The following SASH1 variants were observed in gnomAD, a reference collection of about 807,000 sequenced individuals.
SASH1 encodes SAM and SH3 domain-containing protein 1.
In SASH1, 44 loss-of-function variants were observed where a neutral mutation model predicts 125.2. The ratio of observed to expected loss-of-function variants is 0.35; its 90% CI spans 0.28 to 0.45. The LOEUF is 0.45. SASH1 is among the 20% of genes least tolerant of loss of function. The pLI is 1.00. For missense variants in SASH1, 1,426 were observed against 1,614.5 expected (o/e 0.88, Z 2.00); for synonymous variants, 639 against 649.1 (o/e 0.98, Z 0.24).
chr6:148,368,752 A>G lies in SASH1; in HGVS notation c.157-21382A>G, dbSNP rs528570732. ...TTCTCATCCTTCCAACCTCCCCCAC[A>G]TGCGCGCGCACGCGCGCGCACACAC... is the stretch of plus-strand genomic sequence containing the variant. On this transcript the variant is annotated intron_variant, in intron 1 of 19. Coordinates refer to ENST00000367467, the MANE Select transcript of SASH1 (RefSeq NM_015278.5). 5.7e-4 allele frequency among the ~76,000 whole-genome samples: 64 copies of G among 111,750 alleles called. 1 individual carries two copies. Among genetic ancestry groups the G allele is most frequent in the African/African-American group, 2.2e-3 (58 of 26,562 alleles). 73.3% of individuals were successfully genotyped at this position (111,750 alleles called of 152,430 possible).
intron 1 of SASH1, among the ~76,000 whole-genome samples, chr6:148,389,496 T>C (rs139979251): frequency 1.0e-3 from 154 of 152,350 alleles, no homozygotes; most frequent in African/African-American, 3.5e-3. Context: ...TGAATATTAA[T>C]GACCATAATA....
chr6:148,338,414 G>A (rs9498005), upstream of SASH1, among the ~76,000 whole-genome samples: 1 of 144,664 alleles, frequency 6.9e-6, no homozygotes, highest in Non-Finnish European at 1.5e-5. Context: ...GCAACAGAGT[G>A]AGACTCCATC....
chr6:148,514,191 AT>A, intron 8 of SASH1, 132 bp from the exon 9 acceptor site: 1 of 1,461,438 alleles, frequency 6.8e-7, no homozygotes. Context: ...TCTTGGGCAA[AT>A]TTTTGTTGGT....
intron 1 of SASH1, among the ~76,000 whole-genome samples, chr6:148,311,610 C>T (rs1215982548): frequency 1.3e-5 from 2 of 151,798 alleles, no homozygotes; most frequent in African/African-American, 4.8e-5. Context: ...TTGAGACCAG[C>T]CTGGTCAACA....
rs1562371755 is a variant in SASH1, at chr6:148,387,686, T to TTCTTTCTTTCTC, written c.157-2442_157-2441insTTTCTCTCTTTC. ...TTTCTTTCTTTCTTTCTTTCTTTCT[T>TTCTTTCTTTCTC]TCTTTCGGCATCCTTAGTAAATTAT... is the stretch of plus-strand genomic sequence containing the variant. On this transcript the variant is annotated intron_variant, in intron 1 of 19. Transcript: ENST00000367467. 2.4e-5 allele frequency among the ~76,000 whole-genome samples: 3 copies of TTCTTTCTTTCTC among 126,134 alleles called. No individual in the cohort carries two copies. The East Asian group carries it at 6.6e-4, about 28-fold the overall frequency. The allele number at this position is 126,134 out of a possible 152,430, so 82.7% of individuals were successfully genotyped here.
intron 10 of SASH1, among the ~76,000 whole-genome samples, chr6:148,523,264 C>CTGAG (rs1292622155): frequency 6.6e-6 from 1 of 152,150 alleles, no homozygotes; most frequent in Admixed American, 6.5e-5. Flanking sequence ...CTGTGAAGCC[C>CTGAG]TGAGTCACGG....
chr6:148,385,081 C>G (rs1290094998), intron 1 of SASH1, among the ~76,000 whole-genome samples: 1 of 152,146 alleles, frequency 6.6e-6, no homozygotes, highest in South Asian at 2.1e-4. Flanking sequence ...TTTAAATCAT[C>G]AGGACTGATG....
chr6:148,368,768 G>GTGCGCACGCACACACACACACACACACA (rs71797719), intron 1 of SASH1, among the ~76,000 whole-genome samples: 1 of 70,486 alleles, frequency 1.4e-5, no homozygotes, highest in Admixed American at 1.3e-4. Context: ...GCGCACGCGC[G>GTGCGCACGCACACACACACACACACACA]CGCACACACA....
At position 148,538,167 on chromosome 6, in the gene SASH1, C is replaced by T. The variant is rs763722724; in HGVS notation, c.2096-2276C>T. Among the ~76,000 whole-genome samples, 48 of 152,172 alleles carry T rather than the reference C, an allele frequency of 3.2e-4. 1 individual carries two copies. The highest frequency in any genetic ancestry group is 5.0e-4 in the Non-Finnish European group (34 of 68,040). ...AGGTGACACAATGGATCCCCTCCTTCTCCAAAATAATTTCAGGTATTCTGC... is the reference window on the plus strand; with the variant it reads ...AGGTGACACAATGGATCCCCTCCTTTTCCAAAATAATTTCAGGTATTCTGC... On this transcript the variant is annotated intron_variant, in intron 16 of 19. Transcript: ENST00000367467.
rs749895842 is a variant in SASH1 at position 148,540,456 on chromosome 6, G to A, written c.2109G>A (p.Gln703=). The A allele has an allele frequency of 6.2e-7, 1 of 1,613,986 alleles. No individual in the cohort carries two copies. The highest frequency in any genetic ancestry group is 2.2e-5 in the East Asian group (1 of 44,874). The change falls in exon 17 of 20, where the codon CAG becomes CAA. Residue 703 remains glutamine, a synonymous_variant. Transcript: ENST00000367467. ...TCTCTCCTCTAGGTAACAGCGACCA[G>A]TCAGGATCCCAGGAGAAGCTGCTCG... The part of the protein sequence containing the change: ...LLQEYDSNSD[Q]SGSQEKLLVD...
chr6:148,419,556 G>A (rs140847449), intron 2 of SASH1, among the ~76,000 whole-genome samples: 66 of 152,304 alleles, frequency 4.3e-4, no homozygotes, highest in African/African-American at 1.6e-3. Flanking sequence ...AGATGACCAT[G>A]TAGTATTGGG....
chr6:148,426,333 G>T (rs928030597), intron 2 of SASH1, among the ~76,000 whole-genome samples: 2 of 152,100 alleles, frequency 1.3e-5, no homozygotes, highest in Non-Finnish European at 2.9e-5. Context: ...GAAAGGGGTC[G>T]GACAGCTCTG....
At chr6:148,271,058 C>T (rs969001028), upstream of SASH1, among the ~76,000 whole-genome samples, 2 of 152,000 alleles carry the variant, frequency 1.3e-5, no homozygotes, top group African/African-American at 2.4e-5. Flanking sequence ...TACAGGCGCC[C>T]GCCACCATGT....
At chr6:148,197,921 C>T in the SASH1 span, among the ~76,000 whole-genome samples, 1 of 152,188 alleles carries the variant, frequency 6.6e-6, no homozygotes, top group South Asian at 2.1e-4. Flanking sequence ...GCTATCTCGG[C>T]TCACTGCAAC....
chr6:148,302,255 T>C (rs1193645632), intron 1 of SASH1, among the ~76,000 whole-genome samples: 3 of 127,522 alleles, frequency 2.4e-5, no homozygotes, highest in East Asian at 5.0e-4. Context: ...GAGCTTGGAG[T>C]GAGCCGAGAT....
At chr6:148,281,666 T>C (rs939756340) in intron 1 of SASH1, among the ~76,000 whole-genome samples, 22 of 152,076 alleles carry the variant, frequency 1.4e-4, no homozygotes, top group South Asian at 1.0e-3. Flanking sequence ...CTCACGCCTG[T>C]AATCCCAGCA....
At chr6:148,521,017 TC>T (rs1330145086) in intron 10 of SASH1, among the ~76,000 whole-genome samples, 1 of 152,210 alleles carries the variant, frequency 6.6e-6, no homozygotes, top group African/African-American at 2.4e-5. Context: ...GCCTATAGAT[TC>T]TTCTGTACTC....
At chr6:148,297,784 C>T (rs1393457745) in intron 1 of SASH1, among the ~76,000 whole-genome samples, 5 of 151,364 alleles carry the variant, frequency 3.3e-5, no homozygotes, top group African/African-American at 9.7e-5. Flanking sequence ...GAGCCGAGAT[C>T]GTGCCACTGC....
chr6:148,441,340 G>T (rs1213725873), intron 4 of SASH1, among the ~76,000 whole-genome samples: 1 of 152,210 alleles, frequency 6.6e-6, no homozygotes, highest in Admixed American at 6.5e-5. Flanking sequence ...GAGGAGGGCT[G>T]CTTTGCCAGA....
Sources: gnomAD v4.1 joint callset for allele counts (sites outside exome capture counted in the v4.1 genomes callset) on GRCh38, gnomAD v4.1.1 for gene constraint, MANE v1.5 for transcripts, NCBI Gene and HGNC (gene_info 2026-07-23, HGNC 2026-07-21) for gene names.